The following DOCK2 variants were observed in gnomAD, a reference collection of about 807,000 sequenced individuals.
DOCK2 encodes dedicator of cytokinesis protein 2.
DOCK2 carries 87 observed loss-of-function variants against 248.9 expected under a neutral mutation model. The observed-to-expected ratio is 0.35, with a 90% CI of 0.29 to 0.42. The LOEUF is 0.42. Among genes scored for constraint, DOCK2 ranks in the 10% least tolerant of loss-of-function variants. The pLI, the probability that DOCK2 is intolerant of heterozygous loss-of-function variation, is 1.00. For missense variants in DOCK2, 1,747 were observed against 2,300.2 expected (o/e 0.76, Z 4.92); for synonymous variants, 805 against 821.6 (o/e 0.98, Z 0.35).
At chr5:170,080,010 A>G (rs1757970861) in intron 49 of DOCK2, 153 bp from the exon 50 acceptor site, 4 of 1,319,900 alleles carry the variant, frequency 3.0e-6, no homozygotes, top group Admixed American at 2.5e-5. Flanking sequence ...GCAGGCTGGC[A>G]TGGAATGGTA....
At chr5:169,897,612 A>T (rs11741998) in intron 27 of DOCK2, among the ~76,000 whole-genome samples, 1 of 152,046 alleles carries the variant, frequency 6.6e-6, no homozygotes, top group Non-Finnish European at 1.5e-5. Flanking sequence ...AGACAGAACC[A>T]CAGCCCCATG....
At chr5:169,732,826 G>T (rs1762853632) in intron 22 of DOCK2, among the ~76,000 whole-genome samples, 1 of 152,020 alleles carries the variant, frequency 6.6e-6, no homozygotes, top group South Asian at 2.1e-4. Context: ...TCTCTATAAA[G>T]GTTTTTGGAT....
intron 6 of DOCK2, 54 bp downstream of exon 6, chr5:169,674,499 T>C: frequency 1.9e-6 from 3 of 1,602,110 alleles, no homozygotes; most frequent in Non-Finnish European, 2.6e-6. Context: ...ATCCTCTTTC[T>C]TCCCTCTCTC....
chr5:169,971,035 C>A (rs1443800248), intron 27 of DOCK2, among the ~76,000 whole-genome samples: 14 of 152,106 alleles, frequency 9.2e-5, no homozygotes, highest in Admixed American at 9.2e-4. Flanking sequence ...GCTGTGTCAC[C>A]TTTATTAATG....
At chr5:169,846,529 G>A in intron 27 of DOCK2, among the ~76,000 whole-genome samples, 1 of 151,920 alleles carries the variant, frequency 6.6e-6, no homozygotes, top group Middle Eastern at 3.2e-3. Context: ...GTTTACTTAA[G>A]TCCTAAGGAA....
intron 34 of DOCK2, among the ~76,000 whole-genome samples, chr5:170,031,692 G>A (rs1035542788): frequency 6.6e-6 from 1 of 152,192 alleles, no homozygotes; most frequent in Non-Finnish European, 1.5e-5. Flanking sequence ...TTTCTAGAAT[G>A]CCACATGTTG....
In DOCK2 at chr5:169,695,830, G is replaced by C. The variant is rs1160664233; in HGVS notation, c.871G>C (p.Asp291His). Residue 291 changes from aspartate to histidine, a missense_variant, in exon 10 of 52, where the codon GAT becomes CAT. Asp to His is a moderately conservative substitution (Grantham distance 81). This residue lies in a region of DOCK2 where 375 missense variants were observed against 510.9 expected (regional missense o/e 0.73). Transcript: ENST00000520908. ...TCTTGGAAACAAAGACCTCAACAGG[G>C]ATAAAATTTACTTGATTTGTCAAAT... ...TDLGNKDLNRDKIYLICQIVR... is the reference protein window; with the variant it reads ...TDLGNKDLNRHKIYLICQIVR... 1 of 1,613,804 alleles carries C rather than the reference G, an allele frequency of 6.2e-7. No homozygotes were observed. The highest frequency in any genetic ancestry group is 8.5e-7 in the Non-Finnish European group (1 of 1,179,926).
intron 25 of DOCK2, among the ~76,000 whole-genome samples, chr5:169,787,673 C>T (rs1766069284): frequency 1.3e-5 from 2 of 151,248 alleles, no homozygotes; most frequent in African/African-American, 4.9e-5. Flanking sequence ...CTCATTCTTG[C>T]CCAGTTGCTA....
chr5:169,828,221 G>T (rs536470483), intron 26 of DOCK2, among the ~76,000 whole-genome samples: 1 of 152,108 alleles, frequency 6.6e-6, no homozygotes, highest in Admixed American at 6.5e-5. Flanking sequence ...ATTTTAGATC[G>T]ACATACTCCC....
chr5:169,803,751 C>T (rs149415390), intron 26 of DOCK2, among the ~76,000 whole-genome samples: 83 of 152,160 alleles, frequency 5.5e-4, no homozygotes, highest in African/African-American at 1.4e-3. Flanking sequence ...AGACGTCATT[C>T]AGAGATTAGC....
chr5:169,835,536 T>A (rs914338076), intron 26 of DOCK2, among the ~76,000 whole-genome samples: 21 of 152,126 alleles, frequency 1.4e-4, no homozygotes, highest in African/African-American at 5.1e-4. Context: ...ATTACAGGCA[T>A]GAGTCAGCGG....
intron 50 of DOCK2, chr5:170,081,446 G>A (rs142897772): frequency 2.3e-4 from 40 of 175,248 alleles, no homozygotes; most frequent in African/African-American, 8.3e-4. Context: ...CAGGTGACAC[G>A]TGGGTTTGAG....
At chr5:169,644,687 G>A (rs532711903) in intron 1 of DOCK2, among the ~76,000 whole-genome samples, 26 of 150,304 alleles carry the variant, frequency 1.7e-4, no homozygotes, top group South Asian at 2.1e-4. Flanking sequence ...GGTTTGTTAC[G>A]TAGGTATACA....
intron 27 of DOCK2, among the ~76,000 whole-genome samples, chr5:169,893,607 G>T (rs1773422408): frequency 6.6e-6 from 1 of 151,482 alleles, no homozygotes; most frequent in South Asian, 2.1e-4. Flanking sequence ...TTGATTTGTT[G>T]TCAGAGGAAT....
intron 27 of DOCK2, among the ~76,000 whole-genome samples, chr5:169,929,906 G>A (rs6896505): frequency 0.62 from 94,658 of 152,046 alleles, 30,651 homozygotes; most frequent in African/African-American, 0.82. Flanking sequence ...ACACATGCCT[G>A]TTAAACATAT....
intron 22 of DOCK2, among the ~76,000 whole-genome samples, chr5:169,725,841 C>T (rs1273146182): frequency 6.6e-6 from 1 of 152,082 alleles, no homozygotes; most frequent in East Asian, 1.9e-4. Flanking sequence ...TGAACTCATC[C>T]TTTTTTATGG....
intron 27 of DOCK2, among the ~76,000 whole-genome samples, chr5:169,879,401 T>TA (rs1264108407): frequency 1.3e-5 from 2 of 152,218 alleles, no homozygotes; most frequent in Non-Finnish European, 2.9e-5. Context: ...TTCCCACTGT[T>TA]ACTACGATGG....
At chr5:170,060,534 A>G (rs748252888) in intron 44 of DOCK2, among the ~76,000 whole-genome samples, 3 of 152,206 alleles carry the variant, frequency 2.0e-5, no homozygotes, top group Non-Finnish European at 2.9e-5. Flanking sequence ...GCAGTTCTCC[A>G]AGTTTTTTGT....
chr5:170,071,513 T>C (rs1757677671), intron 46 of DOCK2, among the ~76,000 whole-genome samples: 1 of 152,256 alleles, frequency 6.6e-6, no homozygotes. Context: ...TAATTTATTT[T>C]CTTTCTGAAG....
Sources: gnomAD v4.1 joint callset for allele counts (sites outside exome capture counted in the v4.1 genomes callset) on GRCh38, gnomAD v4.1.1 for gene constraint, gnomAD v4.1.1 regional missense constraint, MANE v1.5 for transcripts, NCBI Gene and HGNC (gene_info 2026-07-23, HGNC 2026-07-21) for gene names.